Variants in EDIL3 observed in about 807,000 individuals in gnomAD.
EDIL3 encodes EGF-like repeat and discoidin I-like domain-containing protein 3.
Under a neutral mutation model 67.4 loss-of-function variants are expected in EDIL3, and 37 were observed. The observed-to-expected ratio is 0.55, with a 90% CI of 0.42 to 0.72. The LOEUF is 0.72. EDIL3 is among the 30% of genes least tolerant of loss of function. EDIL3 has a pLI of 0.00. For synonymous variants in EDIL3, 195 were observed against 196.3 expected, an observed-to-expected ratio of 0.99 and a Z score of 0.05; for missense variants, 527 against 586.3, an observed-to-expected ratio of 0.90 and a Z score of 1.04.
intron 1 of EDIL3, among the ~76,000 whole-genome samples, chr5:84,375,656 T>C (rs1561273148): frequency 6.6e-6 from 1 of 152,116 alleles, no homozygotes; most frequent in Non-Finnish European, 1.5e-5. Flanking sequence ...TGAATAGCAA[T>C]GAAACAATGT....
chr5:83,976,063 A>G (rs1205294213), intron 9 of EDIL3, among the ~76,000 whole-genome samples: 1 of 151,904 alleles, frequency 6.6e-6, no homozygotes, highest in African/African-American at 2.4e-5. Flanking sequence ...TAGGCCCAAC[A>G]CAAATGACTC....
intron 3 of EDIL3, among the ~76,000 whole-genome samples, chr5:84,205,040 G>T (rs1427181421): frequency 3.3e-5 from 5 of 151,322 alleles, no homozygotes; most frequent in Non-Finnish European, 7.4e-5. Context: ...AGCCTCCCAT[G>T]TAGCTGGGAC....
chr5:84,004,348 C>T (rs1180907456), intron 9 of EDIL3, among the ~76,000 whole-genome samples: 1 of 151,904 alleles, frequency 6.6e-6, no homozygotes, highest in South Asian at 2.1e-4. Context: ...TAGAACATGC[C>T]ACCCAAAGAG....
rs187009710 is a variant in EDIL3 at position 84,041,520 on chromosome 5, A to G, written c.1137+18780T>C. Among the ~76,000 whole-genome samples the G allele has an allele frequency of 1.6e-4, 24 of 149,500 alleles. No individual in the cohort carries two copies. The East Asian group carries it at 4.5e-3, about 28-fold the overall frequency. On this transcript the variant is annotated intron_variant, in intron 9 of 10. Coordinates refer to ENST00000296591, the MANE Select transcript of EDIL3 (RefSeq NM_005711.5). ...CTATTTCTCATTACAGAGCTTTAAG[A>G]CAGCTTGTAGAAAATGTGTGTGTGT...
chr5:84,099,273 A>G (rs1405040517), intron 6 of EDIL3, among the ~76,000 whole-genome samples: 2 of 152,178 alleles, frequency 1.3e-5, no homozygotes, highest in African/African-American at 4.8e-5. Flanking sequence ...ACAGAACCAA[A>G]AAAAGCCTGT....
intron 9 of EDIL3, among the ~76,000 whole-genome samples, chr5:84,029,488 C>A (rs1408780014): frequency 6.6e-6 from 1 of 152,106 alleles, no homozygotes; most frequent in African/African-American, 2.4e-5. Flanking sequence ...CTAATACAAT[C>A]CATCCATATT....
chr5:84,154,888 C>T (rs950306642), intron 4 of EDIL3, among the ~76,000 whole-genome samples: 11 of 151,706 alleles, frequency 7.3e-5, no homozygotes, highest in South Asian at 4.2e-4. Context: ...TTAGAAGAGA[C>T]GGAGTTTCAC....
intron 1 of EDIL3, among the ~76,000 whole-genome samples, chr5:84,291,748 A>ATATCTATATAGATCTATCTATATAGATC (rs1561247561): frequency 6.9e-6 from 1 of 144,918 alleles, no homozygotes; most frequent in Non-Finnish European, 1.5e-5. Flanking sequence ...CTATATAGAT[A>ATATCTATATAGATCTATCTATATAGATC]TATCTATATA....
intron 3 of EDIL3, among the ~76,000 whole-genome samples, chr5:84,222,865 T>C (rs1744369999): frequency 2.0e-5 from 3 of 151,818 alleles, no homozygotes; most frequent in South Asian, 4.1e-4. Context: ...GTTACCTATA[T>C]ATTTCGGATA....
chr5:84,030,602 T>A (rs1745902638), intron 9 of EDIL3, among the ~76,000 whole-genome samples: 1 of 152,212 alleles, frequency 6.6e-6, no homozygotes, highest in African/African-American at 2.4e-5. Context: ...CTAATTTAAA[T>A]GTGTATCTTA....
chr5:84,223,783 A>G (rs1354762609), intron 3 of EDIL3, among the ~76,000 whole-genome samples: 2 of 151,512 alleles, frequency 1.3e-5, no homozygotes, highest in Admixed American at 1.3e-4. Flanking sequence ...TACCACACAC[A>G]TGAAGATAAC....
intron 1 of EDIL3, among the ~76,000 whole-genome samples, chr5:84,349,082 A>G (rs1427745021): frequency 1.3e-5 from 2 of 152,150 alleles, no homozygotes; most frequent in East Asian, 3.9e-4. Context: ...TTACTATATA[A>G]TGTAACATTC....
At chr5:83,965,560 T>C (rs1744673889) in intron 9 of EDIL3, among the ~76,000 whole-genome samples, 1 of 152,076 alleles carries the variant, frequency 6.6e-6, no homozygotes. Context: ...ACCTCCAGGC[T>C]GAATTTCCTC....
At chr5:84,154,687 C>T (rs1377807369) in intron 4 of EDIL3, among the ~76,000 whole-genome samples, 1 of 123,414 alleles carries the variant, frequency 8.1e-6, no homozygotes, top group African/African-American at 2.9e-5. Flanking sequence ...CCCTCTTCTG[C>T]TTCTGCTTTT....
chr5:84,119,225 T>G (rs1172992277), intron 5 of EDIL3, among the ~76,000 whole-genome samples: 2 of 147,434 alleles, frequency 1.4e-5, no homozygotes, highest in East Asian at 2.0e-4. Flanking sequence ...TTTTTTTTTT[T>G]TTTTTTTTTT....
At chr5:84,102,767 C>T (rs777844535) in intron 6 of EDIL3, among the ~76,000 whole-genome samples, 6 of 151,968 alleles carry the variant, frequency 3.9e-5, no homozygotes, top group South Asian at 2.1e-4. Flanking sequence ...CTTGTGGATA[C>T]GAAGAATCAA....
intron 5 of EDIL3, among the ~76,000 whole-genome samples, chr5:84,113,877 C>G (rs748160665): frequency 6.6e-6 from 1 of 152,182 alleles, no homozygotes; most frequent in Non-Finnish European, 1.5e-5. Flanking sequence ...TCATCTTATA[C>G]GAGTGAGTCC....
rs370407227 is a variant in EDIL3, at chr5:84,370,488, A to G, written c.67+13820T>C. 1.8e-4 allele frequency among the ~76,000 whole-genome samples: 27 copies of G among 152,332 alleles called. No individual in the cohort carries two copies. The East Asian group carries it at 2.3e-3, about 13-fold the overall frequency. ...AGGGCACTGCGGCAATTAGTAGATC[A>G]GAGGGCTACCTGCAGCTCCTCCATA... On this transcript the variant is annotated intron_variant, in intron 1 of 10. Transcript: ENST00000296591.
At chr5:84,168,020 G>C in intron 4 of EDIL3, among the ~76,000 whole-genome samples, 1 of 152,108 alleles carries the variant, frequency 6.6e-6, no homozygotes, top group Non-Finnish European at 1.5e-5. Flanking sequence ...AAAATCTCCT[G>C]AATATCTAAG....
Sources: allele counts gnomAD v4.1 joint callset (sites outside exome capture counted in the v4.1 genomes callset), GRCh38; gene constraint gnomAD v4.1.1; transcripts MANE v1.5; gene names NCBI Gene and HGNC (gene_info 2026-07-23, HGNC 2026-07-21).